Variants in CCDC192 observed in about 807,000 individuals in gnomAD.
CCDC192 encodes coiled-coil domain-containing protein 192.
At chr5:127,870,725 C>T (rs2127125607) in intron 5 of CCDC192, among the ~76,000 whole-genome samples, 1 of 152,322 alleles carries the variant, frequency 6.6e-6, no homozygotes, top group Non-Finnish European at 1.5e-5. Flanking sequence ...TGAAAAAGAA[C>T]ATACATGACA....
chr5:127,828,154 A>G (rs1054187680), intron 5 of CCDC192, among the ~76,000 whole-genome samples: 1 of 152,140 alleles, frequency 6.6e-6, no homozygotes, highest in African/African-American at 2.4e-5. Context: ...TGGTCTGCCC[A>G]CCTCGGCTTC....
intron 2 of CCDC192, among the ~76,000 whole-genome samples, chr5:127,710,870 G>C (rs1324838437): frequency 1.3e-5 from 2 of 152,174 alleles, no homozygotes; most frequent in Non-Finnish European, 1.5e-5. Context: ...GGATAATCCA[G>C]TAAGACTTTG....
chr5:127,835,762 C>T (rs1750007337), intron 5 of CCDC192, among the ~76,000 whole-genome samples: 1 of 152,108 alleles, frequency 6.6e-6, no homozygotes, highest in Non-Finnish European at 1.5e-5. Context: ...AGAACTCACT[C>T]ACTATCACAA....
intron 6 of CCDC192, among the ~76,000 whole-genome samples, chr5:127,928,680 C>G (rs1753931904): frequency 6.6e-6 from 1 of 152,228 alleles, no homozygotes. Flanking sequence ...AAGTACTCTT[C>G]CAAGCTTGCT....
intron 5 of CCDC192, among the ~76,000 whole-genome samples, chr5:127,826,680 A>G (rs1407418140): frequency 1.3e-5 from 2 of 149,790 alleles, no homozygotes; most frequent in African/African-American, 2.5e-5. Flanking sequence ...CTGAAAAACT[A>G]TTGGGTACTA....
intron 5 of CCDC192, among the ~76,000 whole-genome samples, chr5:127,806,573 C>G (rs1442732099): frequency 6.6e-6 from 1 of 152,136 alleles, no homozygotes; most frequent in African/African-American, 2.4e-5. Flanking sequence ...AGACTTCTCA[C>G]ATCAACATTC....
intron 6 of CCDC192, among the ~76,000 whole-genome samples, chr5:127,896,434 C>CT (rs10709420): frequency 1.5e-3 from 217 of 147,594 alleles, no homozygotes; most frequent in Middle Eastern, 3.6e-3. Flanking sequence ...TTTTCTTCTT[C>CT]TTTTTTTTTT....
In CCDC192 at chr5:127,928,205, C is replaced by G. The variant is rs182180935; in HGVS notation, c.536-12977C>G. ...AAAGTGCTGGGATTACAGGCCTGAG[C>G]GACCACGCCTGGCTGGTGATCTTTT... On this transcript the variant is annotated intron_variant, in intron 6 of 6. Coordinates refer to ENST00000514853, the MANE Select transcript of CCDC192 (RefSeq NM_001317938.2). 8.5e-5 allele frequency among the ~76,000 whole-genome samples: 13 copies of G among 152,248 alleles called. 1 individual carries two copies. Among genetic ancestry groups the G allele is most frequent in the Middle Eastern group, 3.4e-3 (1 of 294 alleles).
chr5:127,715,977 G>A (rs1472601944), intron 2 of CCDC192, among the ~76,000 whole-genome samples: 3 of 152,094 alleles, frequency 2.0e-5, no homozygotes, highest in Non-Finnish European at 2.9e-5. Context: ...TGTGATTTTA[G>A]TAAAAATGTT....
At chr5:127,742,008 A>T (rs1049930828) in intron 2 of CCDC192, among the ~76,000 whole-genome samples, 1 of 152,182 alleles carries the variant, frequency 6.6e-6, no homozygotes, top group Non-Finnish European at 1.5e-5. Context: ...CATAAACCTA[A>T]TCCCAAGATT....
At chr5:127,755,558 A>T (rs919262966) in intron 3 of CCDC192, among the ~76,000 whole-genome samples, 8 of 150,424 alleles carry the variant, frequency 5.3e-5, no homozygotes, top group African/African-American at 1.9e-4. Context: ...CTCAAGCCAT[A>T]GCTCTAGCCT....
At chr5:127,902,396 C>T (rs1409183846) in intron 6 of CCDC192, among the ~76,000 whole-genome samples, 1 of 151,038 alleles carries the variant, frequency 6.6e-6, no homozygotes, top group African/African-American at 2.4e-5. Context: ...CTGACATTCA[C>T]AACATGTTTG....
chr5:127,836,645 C>T (rs1445874570), intron 5 of CCDC192, among the ~76,000 whole-genome samples: 2 of 18,100 alleles, frequency 1.1e-4, no homozygotes, highest in Admixed American at 5.5e-4. Context: ...CCTGCAGGCT[C>T]AACACCATGT....
At chr5:127,751,371 T>C (rs1754157592) in intron 2 of CCDC192, among the ~76,000 whole-genome samples, 1 of 152,044 alleles carries the variant, frequency 6.6e-6, no homozygotes, top group Non-Finnish European at 1.5e-5. Context: ...CCTTCACTCA[T>C]GAAGCTTAGT....
intron 5 of CCDC192, among the ~76,000 whole-genome samples, chr5:127,815,272 G>A (rs563411320): frequency 5.3e-5 from 8 of 152,218 alleles, no homozygotes; most frequent in South Asian, 4.2e-4. Context: ...GTTGACTCCC[G>A]CATAGCAGAG....
chr5:127,915,801 C>T lies in CCDC192; in HGVS notation c.536-25381C>T, dbSNP rs188600030. Among the ~76,000 whole-genome samples, 687 of 152,262 alleles carry T rather than the reference C, an allele frequency of 4.5e-3. 6 individuals are homozygous for T. The highest frequency in any genetic ancestry group is 0.016 in the African/African-American group (668 of 41,538). On this transcript the variant is annotated intron_variant, in intron 6 of 6. Coordinates refer to ENST00000514853, the MANE Select transcript of CCDC192 (RefSeq NM_001317938.2). Reference sequence around the variant, plus strand: ...CAAGACAATTCTTCTTCCAATGTGGCCTAAGGAGGCCAAAAGATTGGATCC... The same window carrying T: ...CAAGACAATTCTTCTTCCAATGTGGTCTAAGGAGGCCAAAAGATTGGATCC...
intron 5 of CCDC192, among the ~76,000 whole-genome samples, chr5:127,829,691 A>G (rs946157366): frequency 9.2e-5 from 14 of 152,154 alleles, no homozygotes; most frequent in Admixed American, 2.6e-4. Flanking sequence ...TTATTGGTCT[A>G]TTTTTTTAAA....
intron 5 of CCDC192, among the ~76,000 whole-genome samples, chr5:127,803,880 A>G (rs777213623): frequency 1.3e-5 from 2 of 152,216 alleles, no homozygotes; most frequent in Non-Finnish European, 2.9e-5. Context: ...ATAATAAACT[A>G]AACAGTTAAA....
At chr5:127,865,629 GACAAAGACT>G (rs1170081164) in intron 5 of CCDC192, among the ~76,000 whole-genome samples, 1 of 149,270 alleles carries the variant, frequency 6.7e-6, no homozygotes, top group Non-Finnish European at 1.5e-5. Context: ...TCATCAAATC[GACAAAGACT>G]ACAGTGTCAT....
Sources: gnomAD v4.1 joint callset for allele counts (sites outside exome capture counted in the v4.1 genomes callset) on GRCh38, gnomAD v4.1.1 for gene constraint, MANE v1.5 for transcripts, NCBI Gene and HGNC (gene_info 2026-07-23, HGNC 2026-07-21) for gene names.